AGBL1: variants seen among roughly 807,000 people sequenced by gnomAD.
The protein encoded by AGBL1 is AGBL carboxypeptidase 1.
In AGBL1, 130 loss-of-function variants were observed where a neutral mutation model predicts 118.9. The ratio of observed to expected loss-of-function variants is 1.09; its 90% CI spans 0.95 to 1.26. AGBL1 has a LOEUF of 1.26. Among genes scored for constraint, AGBL1 ranks in the 50% most tolerant of loss-of-function variants. AGBL1 has a pLI of 0.00. For missense variants in AGBL1, 1,584 were observed against 1,298.1 expected (o/e 1.22, Z -3.38); for synonymous variants, 555 against 478.9 (o/e 1.16, Z -2.08).
intron 23 of AGBL1, among the ~76,000 whole-genome samples, chr15:86,980,107 C>T (rs1460581527): frequency 1.3e-5 from 2 of 152,122 alleles, no homozygotes; most frequent in African/African-American, 2.4e-5. Flanking sequence ...TGATTTTAAC[C>T]TCAATCCTGA....
At chr15:86,751,358 C>A (rs573821431) in intron 22 of AGBL1, among the ~76,000 whole-genome samples, 1 of 152,020 alleles carries the variant, frequency 6.6e-6, no homozygotes, top group Non-Finnish European at 1.5e-5. Flanking sequence ...CCATTTCTTA[C>A]AGCATATACA....
chr15:86,721,897 C>A (rs1596405043), intron 22 of AGBL1, among the ~76,000 whole-genome samples: 1 of 152,080 alleles, frequency 6.6e-6, no homozygotes, highest in East Asian at 2.0e-4. Flanking sequence ...GAGTGACCTC[C>A]CATTCACAAT....
intron 17 of AGBL1, 54 bp downstream of exon 17, chr15:86,295,462 A>G: frequency 6.7e-7 from 1 of 1,490,146 alleles, no homozygotes; most frequent in South Asian, 1.4e-5. Context: ...TGTCCTTTAT[A>G]GTCTTGGAAG....
At chr15:86,947,841 G>GT (rs2080841476) in intron 23 of AGBL1, among the ~76,000 whole-genome samples, 2 of 152,138 alleles carry the variant, frequency 1.3e-5, no homozygotes, top group African/African-American at 4.8e-5. Context: ...ATCTGACGTT[G>GT]TTTTTTCCTT....
chr15:86,191,248 T>G (rs967555911), intron 5 of AGBL1, among the ~76,000 whole-genome samples: 1 of 146,914 alleles, frequency 6.8e-6, no homozygotes, highest in Non-Finnish European at 1.5e-5. Context: ...CTTGGGAGGC[T>G]GAGGCAGGAG....
At chr15:86,722,096 G>A (rs868575034) in intron 22 of AGBL1, among the ~76,000 whole-genome samples, 1 of 152,068 alleles carries the variant, frequency 6.6e-6, no homozygotes, top group African/African-American at 2.4e-5. Context: ...GTAATTTATA[G>A]ATTCAATGCC....
intron 22 of AGBL1, among the ~76,000 whole-genome samples, chr15:86,801,924 A>G (rs576591310): frequency 1.5e-4 from 23 of 152,276 alleles, no homozygotes; most frequent in Non-Finnish European, 2.9e-4. Flanking sequence ...TGGTCAGTTT[A>G]TGCTAAAGAT....
chr15:86,643,894 C>T (rs2085231331), intron 21 of AGBL1, among the ~76,000 whole-genome samples: 2 of 152,276 alleles, frequency 1.3e-5, no homozygotes, highest in Non-Finnish European at 2.9e-5. Context: ...GAGCAGCTTT[C>T]AACTTTTAGG....
chr15:86,745,588 GC>G (rs1196175268), intron 22 of AGBL1, among the ~76,000 whole-genome samples: 5 of 151,902 alleles, frequency 3.3e-5, no homozygotes, highest in Non-Finnish European at 7.4e-5. Flanking sequence ...TGAGGGCCTG[GC>G]ATTTTCAAAT....
chr15:86,204,215 C>A (rs1392365471), intron 5 of AGBL1, among the ~76,000 whole-genome samples: 2 of 152,146 alleles, frequency 1.3e-5, no homozygotes, highest in East Asian at 1.9e-4. Flanking sequence ...CTCAGTGGAG[C>A]CAAGAAAACT....
intron 22 of AGBL1, among the ~76,000 whole-genome samples, chr15:86,731,002 T>A (rs910272190): frequency 9.9e-5 from 15 of 152,094 alleles, no homozygotes; most frequent in African/African-American, 3.4e-4. Flanking sequence ...TAATTTTTTT[T>A]ATATTTTTAA....
chr15:86,681,308 C>G (rs1341990232), intron 22 of AGBL1, among the ~76,000 whole-genome samples: 3 of 152,122 alleles, frequency 2.0e-5, no homozygotes, highest in Non-Finnish European at 4.4e-5. Flanking sequence ...TTTCATTGCA[C>G]CTATTCCTCA....
chr15:86,820,156 G>A (rs574051509), intron 22 of AGBL1, among the ~76,000 whole-genome samples: 1 of 152,226 alleles, frequency 6.6e-6, no homozygotes, highest in East Asian at 1.9e-4. Context: ...ATGGATATAA[G>A]ACTTAAACAT....
chr15:86,101,015 CTT>C (rs1314489421), intron 1 of AGBL1, among the ~76,000 whole-genome samples: 1 of 151,952 alleles, frequency 6.6e-6, no homozygotes, highest in Non-Finnish European at 1.5e-5. Context: ...TTGCTATAAA[CTT>C]TTAGCACAAC....
At chr15:87,001,379 CATT>C (rs1163882086) in intron 24 of AGBL1, among the ~76,000 whole-genome samples, 3 of 151,990 alleles carry the variant, frequency 2.0e-5, no homozygotes, top group Non-Finnish European at 4.4e-5. Context: ...TCCAGTCTAT[CATT>C]GTTGGACATT....
intron 1 of AGBL1, among the ~76,000 whole-genome samples, chr15:86,117,018 A>T (rs1388937916): frequency 4.0e-5 from 6 of 150,198 alleles, no homozygotes; most frequent in Non-Finnish European, 8.9e-5. Context: ...ATCAATGGTC[A>T]TCATCAAAGT....
At chr15:86,163,426 C>G (rs1463161922) in intron 5 of AGBL1, among the ~76,000 whole-genome samples, 2 of 152,108 alleles carry the variant, frequency 1.3e-5, no homozygotes, top group African/African-American at 4.8e-5. Context: ...GAGATCCTGT[C>G]TTAAAAATAA....
intron 22 of AGBL1, among the ~76,000 whole-genome samples, chr15:86,759,331 G>C (rs993056877): frequency 6.6e-6 from 1 of 152,032 alleles, no homozygotes; most frequent in Non-Finnish European, 1.5e-5. Flanking sequence ...CTGCTTAATA[G>C]GCATGTGATT....
intron 17 of AGBL1, among the ~76,000 whole-genome samples, chr15:86,353,247 C>T (rs1321540325): frequency 6.6e-6 from 1 of 152,118 alleles, no homozygotes; most frequent in East Asian, 1.9e-4. Flanking sequence ...AGGCTGTTGC[C>T]AGGAAAAGAG....
Sources: allele counts gnomAD v4.1 joint callset (sites outside exome capture counted in the v4.1 genomes callset), GRCh38; gene constraint gnomAD v4.1.1; transcripts MANE v1.5; gene names NCBI Gene and HGNC (gene_info 2026-07-23, HGNC 2026-07-21).